CCDC6: variants seen among roughly 807,000 people sequenced by gnomAD.
CCDC6 encodes the protein coiled-coil domain containing 6.
A neutral mutation model predicts 56.6 loss-of-function variants in CCDC6; 20 were observed. The observed-to-expected ratio is 0.35, with a 90% confidence interval of 0.25 to 0.51. The LOEUF (loss-of-function observed/expected upper bound fraction) is 0.51. Ranked by LOEUF, CCDC6 falls within the 20% of genes least tolerant of loss-of-function variation. The probability of loss-of-function intolerance (pLI) is 0.95; values close to 1 mark genes in which losing one functional copy is unlikely to be tolerated. For synonymous variants in CCDC6, 241 were observed against 234.4 expected (o/e 1.03, Z -0.26); for missense variants, 367 against 601.1 (o/e 0.61, Z 4.07).
intron 1 of CCDC6, among the ~76,000 whole-genome samples, chr10:59,880,233 A>G (rs2071321240): frequency 6.6e-6 from 1 of 152,188 alleles, no homozygotes; most frequent in Non-Finnish European, 1.5e-5. Context: ...CGAGAGGACC[A>G]CATTTTCCAA....
At chr10:59,807,607 T>C (rs946051730) in intron 5 of CCDC6, among the ~76,000 whole-genome samples, 1 of 152,206 alleles carries the variant, frequency 6.6e-6, no homozygotes, top group Non-Finnish European at 1.5e-5. Flanking sequence ...GAAAAAAATA[T>C]AAAAGGCAGT....
At chr10:59,866,467 T>C (rs983675696) in intron 1 of CCDC6, among the ~76,000 whole-genome samples, 8 of 152,174 alleles carry the variant, frequency 5.3e-5, no homozygotes, top group African/African-American at 1.7e-4. Context: ...TACAGAAATA[T>C]ACCAGCTGTA....
Position 59,789,726 on chromosome 10 carries a change from T to G in CCDC6, c.*3191A>C, listed in dbSNP as rs1478090893. Reference sequence around the variant, plus strand: ...TTCTGTACTGATAAGATACAAATATTGAGCTCTCAAAGCACAAGTTACTAT... The same window carrying G: ...TTCTGTACTGATAAGATACAAATATGGAGCTCTCAAAGCACAAGTTACTAT... On this transcript the variant is annotated 3_prime_UTR_variant, in exon 9 of 9. Coordinates refer to ENST00000263102, the MANE Select transcript of CCDC6 (RefSeq NM_005436.5). 4.5e-6 allele frequency: 1 copy of G among 222,678 alleles called. No individual in the cohort carries two copies. The highest frequency in any genetic ancestry group is 9.0e-6 in the Non-Finnish European group (1 of 111,238). The allele number at this position is 222,678 out of a possible 1,614,324, so 13.8% of individuals were successfully genotyped here. A position where few individuals can be genotyped will look rare whatever the true frequency, so the allele number is the denominator to read the frequency against.
chr10:59,873,791 G>A (rs1293934563), intron 1 of CCDC6, among the ~76,000 whole-genome samples: 2 of 152,050 alleles, frequency 1.3e-5, no homozygotes, highest in Non-Finnish European at 2.9e-5. Context: ...ACCTAAATTT[G>A]TGATGATTTT....
In CCDC6 at chr10:59,889,409, T is replaced by C. The variant is rs78594322; in HGVS notation, c.303+16713A>G. The stretch of plus-strand genomic sequence containing the variant: ...TTTCAAGCTGCCATGCCTTCATCCA[T>C]GCTGATCCTTCTCCCTAGAATGCCC... On this transcript the variant is annotated intron_variant, in intron 1 of 8. Coordinates refer to ENST00000263102, the MANE Select transcript of CCDC6 (RefSeq NM_005436.5). Among the ~76,000 whole-genome samples the C allele has an allele frequency of 5.6e-3, 854 of 152,348 alleles. 23 individuals are homozygous for C. The highest frequency in any genetic ancestry group is 0.032 in the East Asian group (166 of 5,184).
intron 1 of CCDC6, among the ~76,000 whole-genome samples, chr10:59,880,656 A>G (rs545002624): frequency 6.6e-6 from 1 of 152,202 alleles, no homozygotes; most frequent in African/African-American, 2.4e-5. Flanking sequence ...CTCCAAAAAA[A>G]GTTTTTAAAA....
In CCDC6 at chr10:59,906,282, C is replaced by T. The variant is rs1180745064; in HGVS notation, c.143G>A (p.Gly48Asp). ...GGGGGGGKSG[G>D]IVISPFRLEE... The stretch of plus-strand genomic sequence containing the variant: ...CAGGCGGAACGGCGAGATGACAATG[C>T]CCCCCGACTTCCCACCGCCGCCGCC... Residue 48 changes from glycine (G) to aspartate (D), a missense_variant, in exon 1 of 9, where the codon GGC (glycine) becomes GAC (aspartate). This residue lies in a region of CCDC6 where 79 missense variants were observed against 74.9 expected (regional missense o/e 1.05). Coordinates refer to ENST00000263102, the MANE Select transcript of CCDC6 (RefSeq NM_005436.5). 1 of 1,609,416 alleles carries T rather than the reference C, an allele frequency of 6.2e-7. No homozygotes were observed. The highest frequency in any genetic ancestry group is 8.5e-7 in the Non-Finnish European group (1 of 1,179,592).
rs1187599946 is a variant in CCDC6, at chr10:59,807,008, C to T, written c.918G>A (p.Arg306=). The stretch of plus-strand genomic sequence containing the variant: ...TTCTCTCCATCTCCCTCTGCAGCTT[C>T]CTCTGGAGCCTCAAGTTCTCTTCTC... ...HMREENLRLQ[R]KLQREMERRE... The change falls in exon 6 of 9, where the codon AGG becomes AGA. Residue 306 remains arginine, a synonymous_variant. Transcript: ENST00000263102. The T allele has an allele frequency of 2.5e-6, 4 of 1,613,896 alleles. No homozygotes were observed. In the African/African-American group the frequency reaches 5.3e-5, roughly 22 times the overall value.
In CCDC6 at chr10:59,906,204, T is replaced by C. The variant is rs758645685; in HGVS notation, c.221A>G (p.Lys74Arg). 6.2e-7 allele frequency: 1 copy of C among 1,613,464 alleles called. No homozygotes were observed. Among genetic ancestry groups the C allele is most frequent in the Middle Eastern group, 1.6e-4 (1 of 6,062 alleles). The change falls in exon 1 of 9, where the codon AAG becomes AGG. Residue 74 changes from lysine to arginine, a missense_variant. Physicochemically the swap from Lys to Arg is conservative, Grantham distance 26. Around this residue, in one of 7 missense-constraint regions of CCDC6, gnomAD observed 41 missense variants for 90.8 expected, o/e 0.45. Coordinates refer to ENST00000263102, the MANE Select transcript of CCDC6 (RefSeq NM_005436.5). ...CAGTTTGTAGGTCTCCAGCTCTATC[T>C]TCAGCACCTTGTTCTCTTGCTGCAG... ...ASLQQENKVL[K>R]IELETYKLKC...
chr10:59,904,569 A>C (rs576429149), intron 1 of CCDC6, among the ~76,000 whole-genome samples: 1 of 152,136 alleles, frequency 6.6e-6, no homozygotes, highest in East Asian at 1.9e-4. Flanking sequence ...CTTAACCCCC[A>C]CTCAGCAAAG....
At chr10:59,801,209 A>G (rs2070572212) in intron 7 of CCDC6, among the ~76,000 whole-genome samples, 1 of 152,232 alleles carries the variant, frequency 6.6e-6, no homozygotes, top group Non-Finnish European at 1.5e-5. Context: ...AAAATTGTGG[A>G]AACAAATTAA....
Position 59,801,859 on chromosome 10 carries a change from T to C in CCDC6, c.1105+2561A>G, listed in dbSNP as rs1261990598. Among the ~76,000 whole-genome samples, 5 of 152,316 alleles carry C rather than the reference T, an allele frequency of 3.3e-5. No individual in the cohort carries two copies. In the East Asian group the frequency reaches 9.6e-4, roughly 29 times the overall value. ...TATCCCTCTGACATACCCTCATCAC[T>C]TTGTTTTCTGGGCACTTGTTTACTC... On this transcript the variant is annotated intron_variant, in intron 7 of 8. Transcript: ENST00000263102.
intron 1 of CCDC6, among the ~76,000 whole-genome samples, chr10:59,864,142 C>T (rs1358145981): frequency 3.3e-5 from 5 of 152,186 alleles, no homozygotes; most frequent in African/African-American, 1.2e-4. Flanking sequence ...TAGTCTGAAT[C>T]TGGGTCCTAA....
chr10:59,873,816 A>ATT (rs1312980695), intron 1 of CCDC6, among the ~76,000 whole-genome samples: 2 of 152,066 alleles, frequency 1.3e-5, no homozygotes, highest in Non-Finnish European at 2.9e-5. Context: ...TAGACTGCTA[A>ATT]TTTTTAAAAA....
At chr10:59,825,499 G>A (rs191827255) in intron 3 of CCDC6, among the ~76,000 whole-genome samples, 2 of 152,258 alleles carry the variant, frequency 1.3e-5, no homozygotes, top group East Asian at 3.9e-4. Flanking sequence ...CGTGAAAAAG[G>A]ACTAATACAA....
intron 6 of CCDC6, among the ~76,000 whole-genome samples, chr10:59,806,250 T>C (rs1327146167): frequency 6.6e-6 from 1 of 152,156 alleles, no homozygotes; most frequent in African/African-American, 2.4e-5. Flanking sequence ...ATCCCGAATT[T>C]AGAGAGGAGG....
intron 3 of CCDC6, among the ~76,000 whole-genome samples, chr10:59,819,831 G>A (rs1428035651): frequency 3.3e-5 from 5 of 152,124 alleles, no homozygotes; most frequent in Non-Finnish European, 7.4e-5. Context: ...GCCCCGTACT[G>A]TGATTATTCT....
chr10:59,882,095 G>T (rs1236422374), intron 1 of CCDC6, among the ~76,000 whole-genome samples: 1 of 11,276 alleles, frequency 8.9e-5, no homozygotes, highest in Non-Finnish European at 1.8e-4. Context: ...AGGAAAGCCG[G>T]GGGGAGAAGG....
At chr10:59,903,483 A>C (rs1162063828) in intron 1 of CCDC6, among the ~76,000 whole-genome samples, 1 of 152,090 alleles carries the variant, frequency 6.6e-6, no homozygotes, top group Non-Finnish European at 1.5e-5. Flanking sequence ...AAAACAAAAC[A>C]AGTCGGGGGA....
Sources: gnomAD v4.1 joint callset for allele counts (sites outside exome capture counted in the v4.1 genomes callset) on GRCh38, gnomAD v4.1.1 for gene constraint, gnomAD v4.1.1 regional missense constraint, MANE v1.5 for transcripts, NCBI Gene and HGNC (gene_info 2026-07-23, HGNC 2026-07-21) for gene names.